RHBDL3: variants seen among roughly 807,000 people sequenced by gnomAD.
RHBDL3 encodes rhomboid like 3, also known as rhomboid-related protein 3.
RHBDL3 carries 28 observed loss-of-function variants against 48.2 expected under a neutral mutation model. That is an observed-to-expected ratio of 0.58 (90% confidence interval 0.43 to 0.80). The LOEUF (loss-of-function observed/expected upper bound fraction) is 0.80. RHBDL3 is among the 30% of genes least tolerant of loss of function. RHBDL3 has a pLI of 0.00. For synonymous variants in RHBDL3, 208 were observed against 232.3 expected (o/e 0.90, Z 0.95); for missense variants, 464 against 542.7 (o/e 0.85, Z 1.44).
intron 5 of RHBDL3, among the ~76,000 whole-genome samples, chr17:32,296,205 A>T (rs1381681992): frequency 7.0e-6 from 1 of 142,856 alleles, no homozygotes; most frequent in African/African-American, 2.5e-5. Context: ...GGATGGTGTG[A>T]GAGAGACTGC....
intron 2 of RHBDL3, among the ~76,000 whole-genome samples, chr17:32,281,576 C>T (rs1316381665): frequency 6.6e-6 from 1 of 152,092 alleles, no homozygotes; most frequent in East Asian, 1.9e-4. Flanking sequence ...AACAGGAGGG[C>T]CAGGCTAGTG....
At chr17:32,307,096 G>A (rs2040727869) in intron 7 of RHBDL3, among the ~76,000 whole-genome samples, 1 of 152,206 alleles carries the variant, frequency 6.6e-6, no homozygotes, top group Non-Finnish European at 1.5e-5. Context: ...TAGTCTTAGA[G>A]GATATCAAAA....
rs2039645032 is a variant in RHBDL3 at position 32,266,848 on chromosome 17, G to A, written c.111+548G>A. ...ACCCCGGCCGGAGCAGGGAGGCAAAGAGTGCTGGGAGCGGCTTTGCTCCTA... is the reference window on the plus strand; with the variant it reads ...ACCCCGGCCGGAGCAGGGAGGCAAAAAGTGCTGGGAGCGGCTTTGCTCCTA... On this transcript the variant is annotated intron_variant, in intron 1 of 8. Transcript: ENST00000269051. Among the ~76,000 whole-genome samples the A allele has an allele frequency of 1.3e-5, 2 of 152,166 alleles. 1 individual carries two copies. Among genetic ancestry groups the A allele is most frequent in the South Asian group, 4.1e-4 (2 of 4,832 alleles).
intron 6 of RHBDL3, among the ~76,000 whole-genome samples, chr17:32,298,613 G>A (rs1251793381): frequency 6.6e-6 from 1 of 152,254 alleles, no homozygotes; most frequent in Middle Eastern, 3.2e-3. Context: ...TGGAACAACA[G>A]TGCTCCGAAA....
intron 1 of RHBDL3, among the ~76,000 whole-genome samples, chr17:32,266,881 G>A (rs1373935150): frequency 6.6e-6 from 1 of 151,982 alleles, no homozygotes; most frequent in Non-Finnish European, 1.5e-5. Flanking sequence ...CTAGAAGGAG[G>A]CCCGGGAGTC....
At chr17:32,290,845 C>CA (rs1306903546) in intron 4 of RHBDL3, among the ~76,000 whole-genome samples, 2 of 151,430 alleles carry the variant, frequency 1.3e-5, no homozygotes, top group South Asian at 2.1e-4. Flanking sequence ...TACAAAATAT[C>CA]AAAAAATTAG....
Position 32,273,128 on chromosome 17 carries a change from G to A in RHBDL3, c.135+5203G>A, listed in dbSNP as rs190599290. On this transcript the variant is annotated intron_variant, in intron 2 of 8. Transcript: ENST00000269051. ...CGATTCTCCTACCTCAACCTCCCGA[G>A]TAGCTGGGATTACAGGTGCCTGTCA... Among the ~76,000 whole-genome samples, 976 of 152,330 alleles carry A rather than the reference G, an allele frequency of 6.4e-3. 5 individuals are homozygous for A. Among genetic ancestry groups the A allele is most frequent in the Admixed American group, 0.012 (178 of 15,304 alleles).
At chr17:32,311,446 G>A (rs776587625) in intron 7 of RHBDL3, among the ~76,000 whole-genome samples, 5 of 152,182 alleles carry the variant, frequency 3.3e-5, no homozygotes, top group Non-Finnish European at 7.3e-5. Context: ...CTCCATTTGT[G>A]GGCAGCTGGG....
chr17:32,277,412 C>T (rs911560433), intron 2 of RHBDL3, among the ~76,000 whole-genome samples: 2 of 152,224 alleles, frequency 1.3e-5, no homozygotes, highest in Non-Finnish European at 2.9e-5. Flanking sequence ...GAAGCCTTGG[C>T]CTGGCTCATG....
Position 32,284,772 on chromosome 17 carries a change from C to T in RHBDL3, c.249C>T (p.Asp83=), listed in dbSNP as rs531935128. ...GGGAGGTCCTCCTGGCTCTTGCCGA[C>T]AGCCACGCGGATGGGCAGATCGGCT... ...HKREVLLALA[D]SHADGQIGYQ... The change falls in exon 3 of 9, where the codon GAC becomes GAT. Residue 83 remains aspartate, a synonymous_variant. Transcript: ENST00000269051. 1.2e-6 allele frequency: 2 copies of T among 1,614,066 alleles called. No homozygotes were observed. The highest frequency in any genetic ancestry group is 2.7e-5 in the African/African-American group (2 of 75,072).
chr17:32,317,508 G>A (rs1036273466), intron 8 of RHBDL3, among the ~76,000 whole-genome samples: 5 of 152,152 alleles, frequency 3.3e-5, no homozygotes, highest in African/African-American at 9.7e-5. Flanking sequence ...AGGCAAGCAG[G>A]TGTCCACCAA....
chr17:32,292,531 T>G (rs1045747958), intron 4 of RHBDL3, among the ~76,000 whole-genome samples: 1 of 151,938 alleles, frequency 6.6e-6, no homozygotes, highest in Non-Finnish European at 1.5e-5. Context: ...GTGTTTATAG[T>G]GGAGGGCTCA....
intron 5 of RHBDL3, among the ~76,000 whole-genome samples, chr17:32,296,137 A>T (rs2040440023): frequency 6.6e-6 from 1 of 150,380 alleles, no homozygotes; most frequent in Admixed American, 6.6e-5. Flanking sequence ...CTGAGGCAGG[A>T]GAATGGCATG....
Position 32,321,590 on chromosome 17 carries a change from C to T in RHBDL3, c.*361C>T. 2.4e-6 allele frequency: 1 copy of T among 409,600 alleles called. No individual in the cohort carries two copies. Among genetic ancestry groups the T allele is most frequent in the Non-Finnish European group, 4.6e-6 (1 of 217,116 alleles). The allele number at this position is 409,600 out of a possible 1,614,324, so 25.4% of individuals were successfully genotyped here. A position where few individuals can be genotyped will look rare whatever the true frequency, so the allele number is the denominator to read the frequency against. ...GATTGAGCAGCAGCTTCTTCCTCCT[C>T]CTCTACCCTCAGAGACCCTAAGAGA... On this transcript the variant is annotated 3_prime_UTR_variant, in exon 9 of 9. Coordinates refer to ENST00000269051, the MANE Select transcript of RHBDL3 (RefSeq NM_138328.3).
At chr17:32,271,356 T>G (rs1322112753) in intron 2 of RHBDL3, among the ~76,000 whole-genome samples, 1 of 152,250 alleles carries the variant, frequency 6.6e-6, no homozygotes, top group East Asian at 1.9e-4. Flanking sequence ...TTATTTCTGA[T>G]TTATGCCACT....
At chr17:32,311,712 T>C (rs575266796) in intron 7 of RHBDL3, among the ~76,000 whole-genome samples, 1 of 151,640 alleles carries the variant, frequency 6.6e-6, no homozygotes, top group East Asian at 1.9e-4. Context: ...AAAACTGGAG[T>C]CATTCAGATT....
chr17:32,294,588 C>A, intron 5 of RHBDL3, 146 bp downstream of exon 5: 3 of 708,658 alleles, frequency 4.2e-6, no homozygotes, highest in Non-Finnish European at 4.4e-6. Context: ...TCATTTAATA[C>A]CAAAATATAC....
At position 32,296,423 on chromosome 17, in the gene RHBDL3, C is replaced by A. The variant is rs1175968139; in HGVS notation, c.669-1669C>A. ...CGATCTTGGCTCACTGCAGCCACCA[C>A]CTCCTGGGTTCAAGCGATTCTCCTT... On this transcript the variant is annotated intron_variant, in intron 5 of 8. Transcript: ENST00000269051. Among the ~76,000 whole-genome samples the A allele has an allele frequency of 2.7e-5, 4 of 147,534 alleles. No individual in the cohort carries two copies. In the East Asian group the frequency reaches 8.0e-4, roughly 30 times the overall value.
At chr17:32,316,372 C>G in intron 8 of RHBDL3, 80 bp downstream of exon 8, 1 of 1,086,668 alleles carries the variant, frequency 9.2e-7, no homozygotes, top group Non-Finnish European at 1.4e-6. Context: ...TCCTGCCCTT[C>G]ACGGGCTTAT....
Sources: gnomAD v4.1 joint callset for allele counts (sites outside exome capture counted in the v4.1 genomes callset) on GRCh38, gnomAD v4.1.1 for gene constraint, MANE v1.5 for transcripts, NCBI Gene and HGNC (gene_info 2026-07-23, HGNC 2026-07-21) for gene names.